The following PHACTR1 variants were observed in gnomAD, a reference collection of about 807,000 sequenced individuals.
PHACTR1 encodes RPEL repeat containing 1.
Under a neutral mutation model 69.2 loss-of-function variants are expected in PHACTR1, and 16 were observed. The observed-to-expected ratio is 0.23, with a 90% CI of 0.16 to 0.35. The LOEUF (loss-of-function observed/expected upper bound fraction) is 0.35. Ranked by LOEUF, PHACTR1 falls within the 10% of genes least tolerant of loss-of-function variation. PHACTR1 has a pLI of 1.00. For synonymous variants in PHACTR1, 312 were observed against 284.5 expected (o/e 1.10, Z -0.97); for missense variants, 510 against 734.7 (o/e 0.69, Z 3.54).
chr6:12,988,128 T>C (rs1341571442), intron 4 of PHACTR1, among the ~76,000 whole-genome samples: 2 of 152,208 alleles, frequency 1.3e-5, no homozygotes, highest in Non-Finnish European at 2.9e-5. Flanking sequence ...AGGTCATCAA[T>C]GTGAATTAAT....
At position 12,729,571 on chromosome 6, in the gene PHACTR1, A is replaced by G. The variant is rs1383574681; in HGVS notation, c.103+10724A>G. Among the ~76,000 whole-genome samples, 5 of 152,348 alleles carry G rather than the reference A, an allele frequency of 3.3e-5. No individual in the cohort carries two copies. The East Asian group carries it at 5.8e-4, about 18-fold the overall frequency. The stretch of plus-strand genomic sequence containing the variant: ...GTGGAGAATGGCGTAAGAGAAGACT[A>G]GAACAGCAGGCAGGGGTCATGGCAC... On this transcript the variant is annotated intron_variant, in intron 3 of 14. Coordinates refer to ENST00000332995, the MANE Select transcript of PHACTR1 (RefSeq NM_030948.6).
chr6:12,905,912 TAA>T (rs963655935), intron 4 of PHACTR1, among the ~76,000 whole-genome samples: 21 of 152,358 alleles, frequency 1.4e-4, no homozygotes, highest in Admixed American at 1.2e-3. Context: ...CATAGCATAG[TAA>T]AGAGGTTGAA....
chr6:12,993,476 T>C (rs763547382), intron 4 of PHACTR1, among the ~76,000 whole-genome samples: 5 of 152,172 alleles, frequency 3.3e-5, no homozygotes, highest in Non-Finnish European at 5.9e-5. Context: ...CCTGGATACA[T>C]ACCTAAGACA....
chr6:13,216,330 T>C (rs1767667071), intron 8 of PHACTR1, among the ~76,000 whole-genome samples: 1 of 152,260 alleles, frequency 6.6e-6, no homozygotes, highest in South Asian at 2.1e-4. Flanking sequence ...CTAGGGTTTC[T>C]TTTAGCCTTA....
intron 4 of PHACTR1, among the ~76,000 whole-genome samples, chr6:12,857,655 C>T (rs1360823165): frequency 2.0e-5 from 3 of 151,624 alleles, no homozygotes; most frequent in Non-Finnish European, 2.9e-5. Context: ...GTGATGAAGA[C>T]GATCTTGCTG....
chr6:12,749,626 T>A lies in PHACTR1; in HGVS notation c.104-18T>A, dbSNP rs1020442351. On this transcript the variant is annotated intron_variant, in intron 3 of 14. Transcript: ENST00000332995. ...TTCCGCCTCTCTCCCTCTCCCTCCG[T>A]CTCCTTCTCCCTCTCAGCTCGCCGG... 1 of 1,402,880 alleles carries A rather than the reference T, an allele frequency of 7.1e-7. No individual in the cohort carries two copies. Among genetic ancestry groups the A allele is most frequent in the Non-Finnish European group, 9.5e-7 (1 of 1,048,658 alleles). The allele number at this position is 1,402,880 out of a possible 1,614,324, so 86.9% of individuals were successfully genotyped here.
At chr6:13,006,331 G>T (rs1798783843) in intron 4 of PHACTR1, among the ~76,000 whole-genome samples, 1 of 152,156 alleles carries the variant, frequency 6.6e-6, no homozygotes, top group South Asian at 2.1e-4. Context: ...AGTGCTGAGG[G>T]TCCTCTGAAG....
chr6:13,027,918 C>G (rs1372868490), intron 4 of PHACTR1, among the ~76,000 whole-genome samples: 1 of 152,174 alleles, frequency 6.6e-6, no homozygotes, highest in Non-Finnish European at 1.5e-5. Flanking sequence ...CTCAGGTGAT[C>G]CACCCGTCTA....
intron 5 of PHACTR1, among the ~76,000 whole-genome samples, chr6:13,148,495 G>C (rs1288671939): frequency 6.6e-6 from 1 of 152,150 alleles, no homozygotes; most frequent in Non-Finnish European, 1.5e-5. Context: ...TCAACAGCTG[G>C]TTTGTTCAAA....
intron 4 of PHACTR1, among the ~76,000 whole-genome samples, chr6:12,963,785 C>T (rs1793061587): frequency 1.3e-5 from 2 of 152,208 alleles, no homozygotes; most frequent in African/African-American, 2.4e-5. Flanking sequence ...GCAGTGAACT[C>T]GCCAAGTGTG....
chr6:12,913,474 C>G (rs73362192), intron 4 of PHACTR1, among the ~76,000 whole-genome samples: 2 of 152,280 alleles, frequency 1.3e-5, no homozygotes, highest in South Asian at 4.1e-4. Flanking sequence ...AGGAAATGTC[C>G]GAATGGATAA....
At position 13,205,959 on chromosome 6, in the gene PHACTR1, G is replaced by A; in HGVS notation, c.809G>A (p.Gly270Asp). ...ACAGCCCAGAAGAGTGGCCAGCAGGGTGTGGCCCAGCACCACCACACTGTC... is the reference window on the plus strand; with the variant it reads ...ACAGCCCAGAAGAGTGGCCAGCAGGATGTGGCCCAGCACCACCACACTGTC... ...SYTAQKSGQQ[G>D]VAQHHHTVLP... Residue 270 changes from glycine to aspartate, a missense_variant, in exon 8 of 15, where the codon GGT becomes GAT. Gly to Asp is a moderately conservative substitution (Grantham distance 94, BLOSUM62 -1). Around this residue, in one of 2 missense-constraint regions of PHACTR1, gnomAD observed 419 missense variants for 530.9 expected, o/e 0.79. Coordinates refer to ENST00000332995, the MANE Select transcript of PHACTR1 (RefSeq NM_030948.6). 1.2e-6 allele frequency: 2 copies of A among 1,614,000 alleles called. No individual in the cohort carries two copies. The highest frequency in any genetic ancestry group is 1.1e-5 in the South Asian group (1 of 91,082).
intron 5 of PHACTR1, among the ~76,000 whole-genome samples, chr6:13,065,512 C>T (rs756913130): frequency 1.3e-5 from 2 of 151,692 alleles, no homozygotes; most frequent in Admixed American, 1.3e-4. Context: ...AGGGAAGCCA[C>T]GTAGCTGGGA....
intron 4 of PHACTR1, among the ~76,000 whole-genome samples, chr6:12,965,451 C>CATTTTTTTTTTT (rs60864787): frequency 1.5e-5 from 2 of 131,964 alleles, no homozygotes; most frequent in Non-Finnish European, 1.6e-5. Flanking sequence ...TATTTTGTGC[C>CATTTTTTTTTTT]TTTTTTTTTT....
intron 5 of PHACTR1, among the ~76,000 whole-genome samples, chr6:13,107,102 CTCTT>C (rs1396976350): frequency 6.6e-6 from 1 of 151,882 alleles, no homozygotes; most frequent in Non-Finnish European, 1.5e-5. Flanking sequence ...CTCTCTCTCT[CTCTT>C]TTACTCTCTT....
In PHACTR1 at chr6:12,988,494, T is replaced by A. The variant is rs58984254; in HGVS notation, c.251-64871T>A. ...TTATCAGCGATGCTAATAGAGGTGA[T>A]GCATTATGAATGAAGATATGTCCAT... On this transcript the variant is annotated intron_variant, in intron 4 of 14. Transcript: ENST00000332995. 3.3e-3 allele frequency among the ~76,000 whole-genome samples: 498 copies of A among 152,310 alleles called. 1 individual carries two copies. The highest frequency in any genetic ancestry group is 0.012 in the African/African-American group (484 of 41,574).
rs181419589 is a variant in PHACTR1 at position 12,981,156 on chromosome 6, C to G, written c.251-72209C>G. Among the ~76,000 whole-genome samples the G allele has an allele frequency of 1.9e-4, 29 of 152,296 alleles. No individual in the cohort carries two copies. In the South Asian group the frequency reaches 3.1e-3, roughly 16 times the overall value. ...ATGAGTGCTGCATTTAGGAAACTGG[C>G]CTTTTCAATAGGTGAATGTGACTAG... On this transcript the variant is annotated intron_variant, in intron 4 of 14. Coordinates refer to ENST00000332995, the MANE Select transcript of PHACTR1 (RefSeq NM_030948.6).
chr6:13,265,578 G>A (rs1324872712), intron 10 of PHACTR1, among the ~76,000 whole-genome samples: 1 of 152,194 alleles, frequency 6.6e-6, no homozygotes, highest in Non-Finnish European at 1.5e-5. Flanking sequence ...CTCAGCTGAG[G>A]TGTTGAAGGC....
intron 10 of PHACTR1, chr6:13,272,650 C>T: frequency 6.9e-7 from 1 of 1,443,362 alleles, no homozygotes; most frequent in Non-Finnish European, 9.1e-7. Context: ...GGGCGGGGGT[C>T]AGCGGCTGTG....
Sources: gnomAD v4.1 joint callset for allele counts (sites outside exome capture counted in the v4.1 genomes callset) on GRCh38, gnomAD v4.1.1 for gene constraint, gnomAD v4.1.1 regional missense constraint, MANE v1.5 for transcripts, NCBI Gene and HGNC (gene_info 2026-07-23, HGNC 2026-07-21) for gene names.